RGPD1: variants seen among roughly 807,000 people sequenced by gnomAD.
RGPD1 encodes RANBP2-like and GRIP domain-containing protein 1.
A neutral mutation model predicts 40.6 loss-of-function variants in RGPD1; 7 were observed. That is an observed-to-expected ratio of 0.17 (90% CI 0.10 to 0.32). The LOEUF (loss-of-function observed/expected upper bound fraction) is 0.32, where lower values mean the gene tolerates loss of function less well. Among genes scored for constraint, RGPD1 ranks in the 10% least tolerant of loss-of-function variants. RGPD1 has a pLI of 1.00. For missense variants in RGPD1, 50 were observed against 472.5 expected, an observed-to-expected ratio of 0.11 and a Z score of 8.29; for synonymous variants, 24 against 167.0, an observed-to-expected ratio of 0.14 and a Z score of 6.60.
At chr2:86,928,213 GACA>G (rs1678645561) in intron 1 of RGPD1, among the ~76,000 whole-genome samples, 2 of 150,806 alleles carry the variant, frequency 1.3e-5, no homozygotes, top group South Asian at 2.1e-4. Flanking sequence ...CCTGATACAA[GACA>G]ACAATCCAGA....
At chr2:87,006,676 G>A (rs1367178790) in intron 22 of RGPD1, among the ~76,000 whole-genome samples, 590 of 140,748 alleles carry the variant, frequency 4.2e-3, no homozygotes, top group African/African-American at 0.018. Context: ...CAGGAGAATG[G>A]CGCGAACCCG....
At chr2:86,927,055 G>T (rs1188986743) in intron 1 of RGPD1, among the ~76,000 whole-genome samples, 1 of 151,762 alleles carries the variant, frequency 6.6e-6, no homozygotes, top group African/African-American at 2.4e-5. Context: ...TTTTTCATTT[G>T]TGAAATGAAG....
intron 1 of RGPD1, among the ~76,000 whole-genome samples, chr2:86,927,119 A>G (rs185128008): frequency 6.6e-6 from 1 of 152,066 alleles, no homozygotes; most frequent in African/African-American, 2.4e-5. Flanking sequence ...AGTTTTAATT[A>G]AAAAAATTGC....
intron 1 of RGPD1, among the ~76,000 whole-genome samples, chr2:86,942,831 G>A (rs946500338): frequency 7.9e-5 from 12 of 152,028 alleles, no homozygotes; most frequent in African/African-American, 2.9e-4. Flanking sequence ...TGCAAGCGCA[G>A]GAAGAGTCCT....
At chr2:86,941,521 C>T (rs896182100), upstream of RGPD1, among the ~76,000 whole-genome samples, 20 of 147,584 alleles carry the variant, frequency 1.4e-4, no homozygotes, top group African/African-American at 2.3e-4. Flanking sequence ...CTGGGGCTAC[C>T]GGCTTGAGCC....
intron 1 of RGPD1, 133 bp downstream of exon 1, chr2:86,942,441 C>T: frequency 4.8e-6 from 4 of 839,948 alleles, no homozygotes; most frequent in Non-Finnish European, 4.7e-6. Context: ...ACGGGCGCTG[C>T]TCCCTGGCGC....
chr2:86,938,599 CAA>C (rs67807927), upstream of RGPD1, among the ~76,000 whole-genome samples: 164 of 145,088 alleles, frequency 1.1e-3, no homozygotes, highest in African/African-American at 3.1e-3. Context: ...GACTCCATCT[CAA>C]AAAAAAAAAA....
intron 22 of RGPD1, among the ~76,000 whole-genome samples, chr2:87,006,436 TTAA>T (rs1284720388): frequency 1.7e-5 from 1 of 59,068 alleles, no homozygotes; most frequent in African/African-American, 9.6e-5. Flanking sequence ...ATTGTGAAAA[TTAA>T]TTTCATGTTT....
At chr2:86,931,987 T>TA (rs1679020584) in intron 1 of RGPD1, among the ~76,000 whole-genome samples, 1 of 147,966 alleles carries the variant, frequency 6.8e-6, no homozygotes, top group Non-Finnish European at 1.5e-5. Context: ...AATATTCATA[T>TA]TATATATATA....
chr2:86,914,173 CCTGGCCGGACGGCGGCGGCGGCCTCG>C, intron 1 of RGPD1, among the ~76,000 whole-genome samples: 1 of 52,844 alleles, frequency 1.9e-5, no homozygotes, highest in African/African-American at 6.2e-5. Flanking sequence ...TCGGCCTCGG[CCTGGCCGGACGGCGGCGGCGGCCTCG>C]GCCTGGCCGG....
rs1457323476 is a variant in RGPD1, at chr2:86,919,395, A to T, written c.72+5474A>T. Among the ~76,000 whole-genome samples, 652 of 138,524 alleles carry T rather than the reference A, an allele frequency of 4.7e-3. 4 individuals carry two copies. Among genetic ancestry groups the T allele is most frequent in the Non-Finnish European group, 6.0e-3 (386 of 63,996 alleles). 90.9% of individuals were successfully genotyped at this position (138,524 alleles called of 152,430 possible). On this transcript the variant is annotated intron_variant, in intron 1 of 22. Transcript: ENST00000398193. ...GTAATCCTGTTTGATAACGTCAGGTAGCGTTCGTCACGCCTCTGCGTAGAA... is the reference window on the plus strand; with the variant it reads ...GTAATCCTGTTTGATAACGTCAGGTTGCGTTCGTCACGCCTCTGCGTAGAA...
chr2:86,929,192 A>G (rs1678720803), intron 1 of RGPD1, among the ~76,000 whole-genome samples: 1 of 145,334 alleles, frequency 6.9e-6, no homozygotes, highest in Non-Finnish European at 1.5e-5. Context: ...TGCCTCACTT[A>G]TTTAGGAGAT....
In RGPD1 at chr2:86,960,317, C is replaced by G. The variant is rs1474381443; in HGVS notation, c.779+1890C>G. Among the ~76,000 whole-genome samples, 3 of 54,546 alleles carry G rather than the reference C, an allele frequency of 5.5e-5. 1 individual carries two copies. Among genetic ancestry groups the G allele is most frequent in the Non-Finnish European group, 9.6e-5 (3 of 31,092 alleles). 35.8% of individuals were successfully genotyped at this position (54,546 alleles called of 152,430 possible). A position where few individuals can be genotyped will look rare whatever the true frequency, so the allele number is the denominator to read the frequency against. ...TTGTTACCCCCCCTTGTGAACCTCC[C>G]AGGTTCACGCCATTCTTCTGCCTCA... On this transcript the variant is annotated intron_variant, in intron 6 of 22. Transcript: ENST00000641458.
upstream of RGPD1, among the ~76,000 whole-genome samples, chr2:86,941,987 C>G (rs927529321): frequency 1.3e-5 from 2 of 152,078 alleles, no homozygotes; most frequent in East Asian, 3.9e-4. Context: ...GTTGGGATTA[C>G]AGGCGTGAGC....
chr2:86,935,545 CT>C lies in RGPD1; in HGVS notation c.73-15750del, dbSNP rs1191065640. Among the ~76,000 whole-genome samples the C allele has an allele frequency of 1.8e-5, 2 of 112,752 alleles. 1 individual carries two copies. Among genetic ancestry groups the C allele is most frequent in the Non-Finnish European group, 3.9e-5 (2 of 51,586 alleles). 74.0% of individuals were successfully genotyped at this position (112,752 alleles called of 152,430 possible). ...TTTTAAACTTTTGATGTCATGACAC[CT>C]AGAAGATTATTTTCTGATACTCATA... On this transcript the variant is annotated intron_variant, in intron 1 of 22. Coordinates refer to the RGPD1 transcript ENST00000398193.
chr2:86,939,756 A>T (rs1467329686), upstream of RGPD1, among the ~76,000 whole-genome samples: 1 of 99,964 alleles, frequency 1.0e-5, no homozygotes, highest in African/African-American at 4.3e-5. Flanking sequence ...TTTTTTTGAG[A>T]CAGGGTCTTT....
intron 1 of RGPD1, among the ~76,000 whole-genome samples, chr2:86,944,496 C>T (rs1179791672): frequency 6.6e-6 from 1 of 151,890 alleles, no homozygotes; most frequent in Non-Finnish European, 1.5e-5. Flanking sequence ...TCCGCCTCCC[C>T]AGCTCAAGCG....
At chr2:86,925,542 A>G (rs993732956) in intron 1 of RGPD1, among the ~76,000 whole-genome samples, 2 of 152,248 alleles carry the variant, frequency 1.3e-5, no homozygotes, top group African/African-American at 4.8e-5. Context: ...TTTTGGGATT[A>G]CAGGCATGAG....
At chr2:86,945,277 AC>A (rs1680264381) in intron 1 of RGPD1, among the ~76,000 whole-genome samples, 1 of 152,080 alleles carries the variant, frequency 6.6e-6, no homozygotes, top group Non-Finnish European at 1.5e-5. Flanking sequence ...TTACATTAGA[AC>A]CTGGGGATTT....
Sources: gnomAD v4.1 joint callset for allele counts (sites outside exome capture counted in the v4.1 genomes callset) on GRCh38, gnomAD v4.1.1 for gene constraint, MANE v1.5 for transcripts, NCBI Gene and HGNC (gene_info 2026-07-23, HGNC 2026-07-21) for gene names.